Variants in NXPE2 observed in about 807,000 individuals in gnomAD.
NXPE2 encodes the protein neurexophilin and PC-esterase domain family member 2.
Under a neutral mutation model 34.4 loss-of-function variants are expected in NXPE2, and 34 were observed. The observed-to-expected ratio is 0.99, with a 90% confidence interval of 0.75 to 1.31. The LOEUF (loss-of-function observed/expected upper bound fraction) is 1.31. NXPE2 is among the 40% of genes most tolerant of loss of function. NXPE2 has a pLI of 0.00. For missense variants in NXPE2, 649 were observed against 672.5 expected (o/e 0.97, Z 0.39); for synonymous variants, 235 against 231.3 (o/e 1.02, Z -0.15).
chr11:114,480,000 T>G, the NXPE2 span, among the ~76,000 whole-genome samples: 1 of 152,126 alleles, frequency 6.6e-6, no homozygotes, highest in Non-Finnish European at 1.5e-5. Context: ...AATAACCAGC[T>G]GTCCTGTGAA....
chr11:114,629,487 C>A, the NXPE2 span, among the ~76,000 whole-genome samples: 1 of 151,318 alleles, frequency 6.6e-6, no homozygotes, highest in African/African-American at 2.4e-5. Flanking sequence ...ATGCTAAAAA[C>A]TCTCAATAAA....
At chr11:114,507,357 TGAG>T in the NXPE2 span, among the ~76,000 whole-genome samples, 1 of 151,840 alleles carries the variant, frequency 6.6e-6, no homozygotes. Flanking sequence ...TCCAACAAAT[TGAG>T]GAGGAGGGAC....
the NXPE2 span, among the ~76,000 whole-genome samples, chr11:114,749,832 G>GTGGA: frequency 6.6e-6 from 1 of 152,056 alleles, no homozygotes; most frequent in East Asian, 1.9e-4. Context: ...CTCCTTCCAC[G>GTGGA]TGGATGTCTT....
At chr11:114,705,001 C>T (rs7929548) in intron 4 of NXPE2, among the ~76,000 whole-genome samples, 18 of 152,240 alleles carry the variant, frequency 1.2e-4, no homozygotes, top group South Asian at 6.2e-4. Flanking sequence ...TTATTCAATA[C>T]GAACAAATGT....
the NXPE2 span, among the ~76,000 whole-genome samples, chr11:114,777,124 G>A: frequency 3.3e-5 from 5 of 152,104 alleles, no homozygotes; most frequent in Admixed American, 6.6e-5. Context: ...GCTTCTTATC[G>A]CAGCAACCAC....
At chr11:114,740,569 A>T in the NXPE2 span, among the ~76,000 whole-genome samples, 14 of 152,238 alleles carry the variant, frequency 9.2e-5, no homozygotes, top group East Asian at 2.7e-3. Context: ...TGACTATACC[A>T]ATTTACATTC....
At chr11:114,643,250 T>C in the NXPE2 span, among the ~76,000 whole-genome samples, 78,940 of 151,794 alleles carry the variant, frequency 0.52, 21,512 homozygotes, top group African/African-American at 0.65. Context: ...TGCAGAAGCT[T>C]TTTAGTTTAA....
the NXPE2 span, among the ~76,000 whole-genome samples, chr11:114,644,987 A>T: frequency 2.0e-5 from 3 of 152,126 alleles, no homozygotes; most frequent in African/African-American, 7.2e-5. Context: ...AACACTTAAT[A>T]AATGATTATT....
chr11:114,621,115 C>T, the NXPE2 span, among the ~76,000 whole-genome samples: 1 of 152,142 alleles, frequency 6.6e-6, no homozygotes, highest in Non-Finnish European at 1.5e-5. Flanking sequence ...CCACTGTTAC[C>T]CTGTGGATAA....
chr11:114,678,926 G>T (rs1038227666), intron 1 of NXPE2, among the ~76,000 whole-genome samples: 3 of 150,728 alleles, frequency 2.0e-5, no homozygotes, highest in East Asian at 2.0e-4. Flanking sequence ...TTTCTGGGGT[G>T]GGGGGGTTGT....
intron 2 of NXPE2, among the ~76,000 whole-genome samples, chr11:114,691,322 T>A (rs1257308806): frequency 6.6e-6 from 1 of 152,152 alleles, no homozygotes; most frequent in Non-Finnish European, 1.5e-5. Context: ...ATTGGCTTTG[T>A]TTCTTGGTGC....
chr11:114,757,762 T>C, the NXPE2 span, among the ~76,000 whole-genome samples: 2 of 152,028 alleles, frequency 1.3e-5, no homozygotes, highest in Non-Finnish European at 2.9e-5. Flanking sequence ...TCTTGAAAAA[T>C]AGTTGGGGTT....
chr11:114,653,709 T>C, the NXPE2 span, among the ~76,000 whole-genome samples: 11,550 of 151,960 alleles, frequency 0.076, 471 homozygotes, highest in South Asian at 0.1. Flanking sequence ...TTTGTATTTT[T>C]AGTAGAGACA....
rs1218952649 is a variant in NXPE2 at position 114,698,710 on chromosome 11, G to A, written c.798G>A (p.Leu266=). 6.8e-6 allele frequency: 11 copies of A among 1,612,742 alleles called. No individual in the cohort carries two copies. The East Asian group carries it at 2.2e-4, about 33-fold the overall frequency. Residue 266 remains leucine (L), a synonymous_variant, in exon 3 of 6, where the codon TTG becomes TTA. Transcript: ENST00000389586. Reference sequence around the variant, plus strand: ...CTCAACATATGCCCTGTGAGGCCTTGACCCACATGACCACTAGGACAAGAA... The same window carrying A: ...CTCAACATATGCCCTGTGAGGCCTTAACCCACATGACCACTAGGACAAGAA... The part of the protein sequence containing the change: ...VRPQHMPCEA[L]THMTTRTRNI...
At chr11:114,589,782 T>C in the NXPE2 span, among the ~76,000 whole-genome samples, 1 of 152,136 alleles carries the variant, frequency 6.6e-6, no homozygotes, top group Admixed American at 6.6e-5. Context: ...AAGCCATTAT[T>C]AATAACCTGA....
chr11:114,708,953 A>G (rs961364035), downstream of NXPE2, among the ~76,000 whole-genome samples: 6 of 152,004 alleles, frequency 3.9e-5, no homozygotes, highest in Admixed American at 1.3e-4. Context: ...TGTCTATATC[A>G]CTCTACAACT....
At chr11:114,663,634 TATC>T in the NXPE2 span, among the ~76,000 whole-genome samples, 1,187 of 57,520 alleles carry the variant, frequency 0.021, 10 homozygotes, top group South Asian at 0.064. Context: ...TCTATCTATC[TATC>T]ATCTATCCAT....
chr11:114,540,219 A>G, the NXPE2 span, among the ~76,000 whole-genome samples: 1 of 152,180 alleles, frequency 6.6e-6, no homozygotes. Flanking sequence ...GGCCTCCCAA[A>G]GTGCTGGGAT....
At chr11:114,467,045 T>G in the NXPE2 span, among the ~76,000 whole-genome samples, 2 of 152,210 alleles carry the variant, frequency 1.3e-5, no homozygotes, top group Non-Finnish European at 1.5e-5. Flanking sequence ...GATCCTAAAT[T>G]TAAGTATGTC....
Sources: allele counts gnomAD v4.1 joint callset (sites outside exome capture counted in the v4.1 genomes callset), GRCh38; gene constraint gnomAD v4.1.1; transcripts MANE v1.5; gene names NCBI Gene and HGNC (gene_info 2026-07-23, HGNC 2026-07-21).